Variants in ARPC1B observed in about 807,000 individuals in gnomAD.
ARPC1B encodes actin-related protein 2/3 complex subunit 1B.
ARPC1B carries 29 observed loss-of-function variants against 46.0 expected under a neutral mutation model. That is an observed-to-expected ratio of 0.63 (90% confidence interval 0.47 to 0.86). The LOEUF is 0.86. ARPC1B is among the 40% of genes least tolerant of loss of function. ARPC1B has a pLI of 0.00. For synonymous variants in ARPC1B, 201 were observed against 213.9 expected (o/e 0.94, Z 0.53); for missense variants, 469 against 529.4 (o/e 0.89, Z 1.12).
At chr7:99,385,673 TG>T in intron 1 of ARPC1B, 28 bp from the exon 2 acceptor site, 1 of 1,588,940 alleles carries the variant, frequency 6.3e-7, no homozygotes. Flanking sequence ...GGGGCTGACG[TG>T]GATTCTCTCT....
chr7:99,381,799 C>T (rs975088595), intron 1 of ARPC1B, among the ~76,000 whole-genome samples: 4 of 152,198 alleles, frequency 2.6e-5, no homozygotes, highest in South Asian at 2.1e-4. Context: ...CAGCCCCAGG[C>T]AAAGGTCGTT....
chr7:99,391,317 C>T, intron 7 of ARPC1B, 64 bp downstream of exon 7: 1 of 1,468,560 alleles, frequency 6.8e-7, no homozygotes, highest in East Asian at 2.3e-5. Context: ...AGCCCAGCAA[C>T]TCTCATCTCC....
rs558257062 is a variant in ARPC1B, at chr7:99,375,081, G to C, written c.-14+300G>C. Among the ~76,000 whole-genome samples the C allele has an allele frequency of 2.8e-5, 4 of 141,680 alleles. No homozygotes were observed. In the South Asian group the frequency reaches 8.4e-4, roughly 30 times the overall value. The allele number at this position is 141,680 out of a possible 152,430, so 92.9% of individuals were successfully genotyped here. ...GCGGGGGTGGCCGCAGGGCCAGACT[G>C]TGGAAACGCGGGCTCCCAGCGCACC... On this transcript the variant is annotated intron_variant, in intron 1 of 9. Coordinates refer to ENST00000646101, the MANE Select transcript of ARPC1B (RefSeq NM_005720.4).
At position 99,386,408 on chromosome 7, in the gene ARPC1B, G is replaced by A. The variant is rs1028207589; in HGVS notation, c.65-277G>A. The A allele has an allele frequency of 5.3e-6, 3 of 567,112 alleles. No homozygotes were observed. The African/African-American group carries it at 5.6e-5, about 11-fold the overall frequency. 35.1% of individuals were successfully genotyped at this position (567,112 alleles called of 1,614,324 possible). ...GGCTGGCAGGTGCAGGGGCCCTGAG[G>A]TGTCAGCAGGAGCAGCGAAGGGTTC... On this transcript the variant is annotated intron_variant, in intron 2 of 9. Coordinates refer to ENST00000646101, the MANE Select transcript of ARPC1B (RefSeq NM_005720.4).
chr7:99,391,575 T>C (rs994599158), intron 7 of ARPC1B, among the ~76,000 whole-genome samples: 1 of 152,040 alleles, frequency 6.6e-6, no homozygotes, highest in African/African-American at 2.4e-5. Flanking sequence ...TGTGAGACCC[T>C]TGTCTCTACA....
At chr7:99,385,543 G>A (rs1794364461) in intron 1 of ARPC1B, among the ~76,000 whole-genome samples, 159 bp from the exon 2 acceptor site, 1 of 152,192 alleles carries the variant, frequency 6.6e-6, no homozygotes, top group Admixed American at 6.5e-5. Context: ...TTGGGAGCCA[G>A]GGCTGGCCCC....
At position 99,392,665 on chromosome 7, in the gene ARPC1B, G is replaced by C. The variant is rs1562818582; in HGVS notation, c.784-6G>C. On this transcript the variant is annotated splice_polypyrimidine_tract_variant and splice_region_variant and intron_variant, in intron 7 of 9. Transcript: ENST00000646101. ...GGCGCTCCAATGGCCCCCGCCCTCC[G>C]CGCAGGGCCACGACTGCTTCCCGGT... The C allele has an allele frequency of 1.3e-6, 2 of 1,510,006 alleles. No individual in the cohort carries two copies. Among genetic ancestry groups the C allele is most frequent in the East Asian group, 5.1e-5 (2 of 39,304 alleles). The allele number at this position is 1,510,006 out of a possible 1,614,324, so 93.5% of individuals were successfully genotyped here. A position where few individuals can be genotyped will look rare whatever the true frequency, so the allele number is the denominator to read the frequency against.
intron 4 of ARPC1B, 87 bp downstream of exon 4, chr7:99,388,348 G>A: frequency 6.7e-6 from 9 of 1,336,770 alleles, no homozygotes; most frequent in Non-Finnish European, 9.4e-6. Flanking sequence ...TGGGATGTCA[G>A]GACCCCTGTT....
rs138283111 is a variant in ARPC1B at position 99,387,887 on chromosome 7, G to A, written c.170-152G>A. On this transcript the variant is annotated intron_variant, in intron 3 of 9. Coordinates refer to ENST00000646101, the MANE Select transcript of ARPC1B (RefSeq NM_005720.4). ...TGCACTCCAGCCTGGGTGACAGAGC[G>A]AGACTCTGTTTCAAAAAAAAAAAAA... 1.7e-3 allele frequency: 1,041 copies of A among 608,986 alleles called. 5 individuals carry two copies. Among genetic ancestry groups the A allele is most frequent in the African/African-American group, 0.016 (841 of 53,674 alleles). 37.7% of individuals were successfully genotyped at this position (608,986 alleles called of 1,614,324 possible).
intron 4 of ARPC1B, 155 bp downstream of exon 4, chr7:99,388,416 G>T: frequency 2.7e-6 from 2 of 743,884 alleles, no homozygotes; most frequent in East Asian, 5.5e-5. Flanking sequence ...TGAGGCAAGG[G>T]CCTCTCTGCA....
intron 1 of ARPC1B, among the ~76,000 whole-genome samples, chr7:99,382,634 AT>A (rs1172531328): frequency 2.6e-5 from 4 of 151,594 alleles, no homozygotes; most frequent in Admixed American, 2.6e-4. Context: ...ACACCTGCAA[AT>A]TTTTTTATTT....
chr7:99,381,852 G>A (rs897892544), intron 1 of ARPC1B, among the ~76,000 whole-genome samples: 1 of 152,214 alleles, frequency 6.6e-6, no homozygotes, highest in African/African-American at 2.4e-5. Flanking sequence ...GTGCAGGATG[G>A]GCCGGCCCCT....
chr7:99,389,742 C>G, intron 4 of ARPC1B, 163 bp from the exon 5 acceptor site: 2 of 668,486 alleles, frequency 3.0e-6, no homozygotes, highest in Admixed American at 2.4e-5. Context: ...CCCTGCCGCC[C>G]CAGGGCCCTG....
intron 1 of ARPC1B, among the ~76,000 whole-genome samples, chr7:99,382,301 G>T (rs182839649): frequency 2.4e-4 from 37 of 151,760 alleles, no homozygotes; most frequent in African/African-American, 7.5e-4. Flanking sequence ...AGGCATGGTG[G>T]TGCGCACCTG....
chr7:99,383,015 T>C (rs940844583), intron 1 of ARPC1B, among the ~76,000 whole-genome samples: 1 of 151,926 alleles, frequency 6.6e-6, no homozygotes, highest in Non-Finnish European at 1.5e-5. Flanking sequence ...CAGCTAATTT[T>C]TGTATTTTTA....
intron 2 of ARPC1B, among the ~76,000 whole-genome samples, chr7:99,386,080 GTC>G (rs1794382283): frequency 6.6e-6 from 1 of 151,956 alleles, no homozygotes; most frequent in African/African-American, 2.4e-5. Flanking sequence ...GTGAAACCCT[GTC>G]TCTACTAAAA....
At position 99,374,928 on chromosome 7, in the gene ARPC1B, G is replaced by A. The variant is rs1443146887; in HGVS notation, c.-14+147G>A. 1 of 151,620 alleles carries A rather than the reference G, an allele frequency of 6.6e-6. No homozygotes were observed. The highest frequency in any genetic ancestry group is 2.0e-4 in the East Asian group (1 of 5,116). The allele number at this position is 151,620 out of a possible 1,614,324, so 9.4% of individuals were successfully genotyped here. Reference sequence around the variant, plus strand: ...GGAGGGGACCGGGGGGCGCCTGGAAGTGAGGACGCATAGATGTGGGGCGCC... The same window carrying A: ...GGAGGGGACCGGGGGGCGCCTGGAAATGAGGACGCATAGATGTGGGGCGCC... On this transcript the variant is annotated intron_variant, in intron 1 of 9. Transcript: ENST00000646101. The surrounding 1 kb of genome is among the most constrained non-coding windows in gnomAD (Gnocchi z 5.0).
chr7:99,385,115 C>T (rs1299621740), intron 1 of ARPC1B, among the ~76,000 whole-genome samples: 1 of 151,644 alleles, frequency 6.6e-6, no homozygotes, highest in African/African-American at 2.4e-5. Flanking sequence ...CCACCACACC[C>T]GACTAATTTT....
chr7:99,386,436 G>T (rs566335986), intron 2 of ARPC1B: 2 of 599,312 alleles, frequency 3.3e-6, no homozygotes, highest in African/African-American at 1.8e-5. Flanking sequence ...AAGGGTTCCT[G>T]GTTGGCCAGA....
Sources: allele counts gnomAD v4.1 joint callset (sites outside exome capture counted in the v4.1 genomes callset), GRCh38; gene constraint gnomAD v4.1.1; non-coding constraint Gnocchi (gnomAD v3.1); transcripts MANE v1.5; gene names NCBI Gene and HGNC (gene_info 2026-07-23, HGNC 2026-07-21).